The following NUP58 variants were observed in gnomAD, a reference collection of about 807,000 sequenced individuals.
The protein encoded by NUP58 is nucleoporin 58.
In NUP58, 17 loss-of-function variants were observed where a neutral mutation model predicts 70.1. The ratio of observed to expected loss-of-function variants is 0.24; its 90% confidence interval spans 0.17 to 0.36. NUP58 has a LOEUF of 0.36. Ranked by LOEUF, NUP58 falls within the 10% of genes least tolerant of loss-of-function variation. The pLI is 1.00. For missense variants in NUP58, 644 were observed against 701.5 expected, an observed-to-expected ratio of 0.92 and a Z score of 0.93; for synonymous variants, 275 against 257.6, an observed-to-expected ratio of 1.07 and a Z score of -0.65.
At chr13:25,334,590 G>T in intron 13 of NUP58, 1 of 984,652 alleles carries the variant, frequency 1.0e-6, no homozygotes, top group Non-Finnish European at 1.2e-6. Context: ...TTTTCAAACT[G>T]GGGAAAACGC....
At chr13:25,317,563 T>A (rs1035825130) in intron 6 of NUP58, 6 of 152,192 alleles carry the variant, frequency 3.9e-5, no homozygotes, top group Middle Eastern at 3.2e-3. Context: ...TGTATGTAAG[T>A]ATTTACAAAA....
chr13:25,336,747 T>C (rs2031799622), intron 13 of NUP58, among the ~76,000 whole-genome samples, 189 bp from the exon 14 acceptor site: 2 of 152,114 alleles, frequency 1.3e-5, no homozygotes, highest in African/African-American at 4.8e-5. Flanking sequence ...AATTTTTAGA[T>C]AGATAAATCA....
Position 25,312,870 on chromosome 13 carries a change from T to C in NUP58, c.287-13T>C. The C allele has an allele frequency of 6.4e-7, 1 of 1,574,378 alleles. No individual in the cohort carries two copies. ...TTTTGTTTGTTTGTTTATTCATTTA[T>C]TTATTTAAATAGGAACGCCAGCCAC... On this transcript the variant is annotated splice_polypyrimidine_tract_variant and intron_variant, in intron 3 of 15. Transcript: ENST00000381736.
chr13:25,319,474 G>C, intron 7 of NUP58, 124 bp downstream of exon 7: 1 of 765,930 alleles, frequency 1.3e-6, no homozygotes, highest in Non-Finnish European at 2.2e-6. Flanking sequence ...TTTTTGTAAT[G>C]GTATTCGTTA....
rs557559023 is a variant in NUP58, at chr13:25,306,749, C to A, written c.108-1057C>A. Among the ~76,000 whole-genome samples the A allele has an allele frequency of 4.6e-5, 7 of 152,290 alleles. No individual in the cohort carries two copies. The South Asian group carries it at 1.4e-3, about 32-fold the overall frequency. On this transcript the variant is annotated intron_variant, in intron 1 of 15. Transcript: ENST00000381736. ...TGCTTATTTTCACAGTTTGTCTTCCCACCTTTTCATAGCAAATCTGAACCC... is the reference window on the plus strand; with the variant it reads ...TGCTTATTTTCACAGTTTGTCTTCCAACCTTTTCATAGCAAATCTGAACCC...
chr13:25,310,517 G>GT (rs2030610820), intron 3 of NUP58, among the ~76,000 whole-genome samples: 2 of 103,116 alleles, frequency 1.9e-5, no homozygotes, highest in Non-Finnish European at 3.9e-5. Flanking sequence ...ACTGTGCCTG[G>GT]CCTTTTTTTT....
intron 1 of NUP58, among the ~76,000 whole-genome samples, chr13:25,302,346 C>T (rs982540536): frequency 1.3e-5 from 2 of 152,190 alleles, no homozygotes. Flanking sequence ...TGGTTTTTAA[C>T]CAGCTTTTCA....
rs770607054 is a variant in NUP58 at position 25,301,863 on chromosome 13, C to T, written c.90C>T (p.Phe30=). The T allele has an allele frequency of 2.5e-6, 4 of 1,612,824 alleles. No homozygotes were observed. Among genetic ancestry groups the T allele is most frequent in the African/African-American group, 1.3e-5 (1 of 75,032 alleles). ...GGTSTGGVFS[F]GTGASSNPSV... Reference sequence around the variant, plus strand: ...CCAGCACAGGCGGCGTTTTCTCCTTCGGAACGGGAGCGTCTAGGTAACCGC... The same window carrying T: ...CCAGCACAGGCGGCGTTTTCTCCTTTGGAACGGGAGCGTCTAGGTAACCGC... The change falls in exon 1 of 16, where the codon TTC becomes TTT. Residue 30 remains phenylalanine (F), a synonymous_variant. Coordinates refer to ENST00000381736, the MANE Select transcript of NUP58 (RefSeq NM_014089.4).
At chr13:25,326,336 CT>C (rs575333387) in intron 10 of NUP58, among the ~76,000 whole-genome samples, 331 of 141,718 alleles carry the variant, frequency 2.3e-3, no homozygotes, top group Admixed American at 2.5e-3. Context: ...AAGATACCTT[CT>C]TTTTTTTTTT....
At chr13:25,304,478 TTATATATATATA>T (rs67019897) in intron 1 of NUP58, among the ~76,000 whole-genome samples, 1,010 of 83,420 alleles carry the variant, frequency 0.012, 34 homozygotes, top group African/African-American at 0.036. Context: ...GTTGTCAAGA[TTATATATATATA>T]TATATATATA....
In NUP58 at chr13:25,327,102, A is replaced by T. The variant is rs544271300; in HGVS notation, c.1150+68A>T. On this transcript the variant is annotated intron_variant, in intron 11 of 15. Transcript: ENST00000381736. ...TAGGAGATAGATGTGGTTATATAAT[A>T]GGTATTTTGGATAACTACTGGTAGC... 876 of 898,254 alleles carry T rather than the reference A, an allele frequency of 9.8e-4. 2 individuals carry two copies. Among genetic ancestry groups the T allele is most frequent in the Non-Finnish European group, 1.3e-3 (740 of 575,742 alleles). The allele number at this position is 898,254 out of a possible 1,614,324, so 55.6% of individuals were successfully genotyped here. A position where few individuals can be genotyped will look rare whatever the true frequency, so the allele number is the denominator to read the frequency against.
chr13:25,305,911 A>T (rs1314283598), intron 1 of NUP58, among the ~76,000 whole-genome samples: 8 of 152,110 alleles, frequency 5.3e-5, no homozygotes, highest in Admixed American at 3.9e-4. Flanking sequence ...GGCTTGGAGT[A>T]CAGTTATTTG....
intron 14 of NUP58, 108 bp downstream of exon 14, chr13:25,337,142 G>A: frequency 1.8e-6 from 1 of 550,778 alleles, no homozygotes; most frequent in Non-Finnish European, 3.0e-6. Flanking sequence ...TGGAAGTTAA[G>A]GTTCCATCTG....
chr13:25,343,540 C>T (rs1036545680), downstream of NUP58, among the ~76,000 whole-genome samples: 1 of 150,448 alleles, frequency 6.6e-6, no homozygotes, highest in Non-Finnish European at 1.5e-5. Flanking sequence ...GCAGCCTCTG[C>T]CTCCTGGGTT....
downstream of NUP58, among the ~76,000 whole-genome samples, chr13:25,343,432 T>A (rs2032003577): frequency 6.6e-6 from 1 of 151,660 alleles, no homozygotes; most frequent in Non-Finnish European, 1.5e-5. Context: ...AGTCTCCCAA[T>A]CCCATCCAGG....
rs545404947 is a variant in NUP58 at position 25,341,810 on chromosome 13, A to G, written c.*1676A>G. On this transcript the variant is annotated 3_prime_UTR_variant, in exon 16 of 16. Transcript: ENST00000381736. ...CATTGAAAATAGTTTAATTTTTTAT[A>G]TAAAAGGTTTTGTATATAATGTGTG... 6.5e-6 allele frequency: 1 copy of G among 152,762 alleles called. No individual in the cohort carries two copies. The highest frequency in any genetic ancestry group is 2.1e-4 in the South Asian group (1 of 4,828). 9.5% of individuals were successfully genotyped at this position (152,762 alleles called of 1,614,324 possible). A position where few individuals can be genotyped will look rare whatever the true frequency, so the allele number is the denominator to read the frequency against.
At position 25,301,825 on chromosome 13, in the gene NUP58, G is replaced by A. The variant is rs1005685401; in HGVS notation, c.52G>A (p.Ala18Thr). The change falls in exon 1 of 16, where the codon GCC becomes ACC. Residue 18 changes from alanine to threonine, a missense_variant. By Grantham distance (58) the Ala-to-Thr change is moderately conservative (BLOSUM62 0). Coordinates refer to ENST00000381736, the MANE Select transcript of NUP58 (RefSeq NM_014089.4). The part of the protein sequence containing the change: ...GSGTLGSTTV[A>T]AGGTSTGGVF... ...CGGGACTCTGGGCTCCACCACCGTG[G>A]CCGCCGGCGGGACCAGCACAGGCGG... 2 of 1,613,528 alleles carry A rather than the reference G, an allele frequency of 1.2e-6. No individual in the cohort carries two copies. The highest frequency in any genetic ancestry group is 1.1e-5 in the South Asian group (1 of 91,040).
intron 3 of NUP58, among the ~76,000 whole-genome samples, chr13:25,311,577 G>A (rs1040425344): frequency 2.0e-5 from 3 of 151,486 alleles, no homozygotes; most frequent in Non-Finnish European, 4.4e-5. Flanking sequence ...GTTTCACCAT[G>A]TTGGCCAGGC....
At chr13:25,312,739 T>C (rs1471464616) in intron 3 of NUP58, 144 bp from the exon 4 acceptor site, 1 of 699,996 alleles carries the variant, frequency 1.4e-6, no homozygotes, top group East Asian at 2.9e-5. Context: ...TTACATATTT[T>C]CTCTCACAGA....
Sources: gnomAD v4.1 joint callset for allele counts (sites outside exome capture counted in the v4.1 genomes callset) on GRCh38, gnomAD v4.1.1 for gene constraint, MANE v1.5 for transcripts, NCBI Gene and HGNC (gene_info 2026-07-23, HGNC 2026-07-21) for gene names.